The following GALNT13 variants were observed in gnomAD, a reference collection of about 807,000 sequenced individuals.
GALNT13 encodes UDP-GalNAc:polypeptide N-acetylgalactosaminyltransferase 13.
Under a neutral mutation model 64.2 loss-of-function variants are expected in GALNT13, and 28 were observed. The ratio of observed to expected loss-of-function variants is 0.44; its 90% CI spans 0.32 to 0.60. The LOEUF is 0.60. Among genes scored for constraint, GALNT13 ranks in the 20% least tolerant of loss-of-function variants. The pLI, the probability that GALNT13 is intolerant of heterozygous loss-of-function variation, is 0.05. For missense variants in GALNT13, 577 were observed against 669.8 expected, an observed-to-expected ratio of 0.86 and a Z score of 1.53; for synonymous variants, 214 against 224.6, an observed-to-expected ratio of 0.95 and a Z score of 0.42.
chr2:154,432,755 A>C (rs1700766088), intron 11 of GALNT13, among the ~76,000 whole-genome samples: 1 of 152,154 alleles, frequency 6.6e-6, no homozygotes, highest in African/African-American at 2.4e-5. Context: ...TAAGGACGCC[A>C]GTCCTTTTAG....
At chr2:153,799,209 T>C in the GALNT13 span, among the ~76,000 whole-genome samples, 2 of 152,296 alleles carry the variant, frequency 1.3e-5, no homozygotes, top group African/African-American at 4.8e-5. Flanking sequence ...TTTTTTTCTA[T>C]GGTTAGTGTT....
the GALNT13 span, among the ~76,000 whole-genome samples, chr2:153,819,334 T>C: frequency 0.015 from 2,266 of 152,254 alleles, 35 homozygotes; most frequent in Non-Finnish European, 0.021. Flanking sequence ...GGTCCAGAGA[T>C]ATGCTACAAT....
At chr2:154,264,316 A>G (rs1690861310) in intron 8 of GALNT13, among the ~76,000 whole-genome samples, 1 of 151,960 alleles carries the variant, frequency 6.6e-6, no homozygotes. Flanking sequence ...ACTACATAAC[A>G]TACTTCTTAA....
intron 6 of GALNT13, among the ~76,000 whole-genome samples, chr2:154,243,734 TACAATA>T (rs1342884785): frequency 6.6e-6 from 1 of 152,188 alleles, no homozygotes; most frequent in Non-Finnish European, 1.5e-5. Context: ...TGCCAACTGA[TACAATA>T]ACAAAACATT....
chr2:153,219,516 T>C, the GALNT13 span, among the ~76,000 whole-genome samples: 4 of 152,238 alleles, frequency 2.6e-5, no homozygotes, highest in Non-Finnish European at 5.9e-5. Context: ...TTGCCTCTTC[T>C]GCACTGCAGG....
the GALNT13 span, among the ~76,000 whole-genome samples, chr2:153,335,144 A>G: frequency 6.6e-6 from 1 of 152,184 alleles, no homozygotes; most frequent in Non-Finnish European, 1.5e-5. Flanking sequence ...GCCACATGGA[A>G]CTGTAAGTCC....
intron 3 of GALNT13, among the ~76,000 whole-genome samples, chr2:154,045,919 C>CTGTCTAGTAAGT (rs200267154): frequency 0.012 from 1,770 of 152,068 alleles, 20 homozygotes; most frequent in Non-Finnish European, 0.019. Context: ...TTTTCTTTCT[C>CTGTCTAGTAAGT]TGTCTAGTAA....
chr2:153,198,184 A>G, the GALNT13 span, among the ~76,000 whole-genome samples: 8 of 152,052 alleles, frequency 5.3e-5, no homozygotes, highest in African/African-American at 1.7e-4. Context: ...GGGCTTTCAA[A>G]TTGGTGCCGT....
chr2:153,437,618 A>G, the GALNT13 span, among the ~76,000 whole-genome samples: 4 of 152,110 alleles, frequency 2.6e-5, no homozygotes, highest in Non-Finnish European at 5.9e-5. Flanking sequence ...GCTGGTTTAA[A>G]GTCTGTTTTA....
chr2:153,891,370 T>C (rs1034539986), intron 1 of GALNT13, among the ~76,000 whole-genome samples: 5 of 152,036 alleles, frequency 3.3e-5, no homozygotes, highest in African/African-American at 9.7e-5. Flanking sequence ...ACTTTTTTTT[T>C]CTTCTCAAAT....
At chr2:153,222,332 T>TGGGGGGGGGGGGG in the GALNT13 span, among the ~76,000 whole-genome samples, 17 of 103,788 alleles carry the variant, frequency 1.6e-4, no homozygotes, top group Admixed American at 2.3e-4. Context: ...GGGGGTGGGG[T>TGGGGGGGGGGGGG]GGGGGGGGGG....
chr2:153,158,193 A>G, the GALNT13 span, among the ~76,000 whole-genome samples: 283 of 151,886 alleles, frequency 1.9e-3, 2 homozygotes, highest in African/African-American at 6.6e-3. Flanking sequence ...GTACAAGTCA[A>G]CTCCCCTTAA....
At chr2:153,752,386 T>G in the GALNT13 span, among the ~76,000 whole-genome samples, 1 of 152,126 alleles carries the variant, frequency 6.6e-6, no homozygotes, top group Non-Finnish European at 1.5e-5. Flanking sequence ...TCTTTATGAT[T>G]AAAGTAATCC....
chr2:153,731,406 T>C, the GALNT13 span, among the ~76,000 whole-genome samples: 2 of 151,834 alleles, frequency 1.3e-5, no homozygotes, highest in Admixed American at 1.3e-4. Context: ...TGTACACCAT[T>C]TGGATGATGA....
At chr2:154,005,698 T>C (rs1696200252) in intron 3 of GALNT13, among the ~76,000 whole-genome samples, 1 of 151,692 alleles carries the variant, frequency 6.6e-6, no homozygotes, top group Non-Finnish European at 1.5e-5. Flanking sequence ...AAAATGTTAC[T>C]TAAATACTTC....
chr2:153,329,789 C>G, the GALNT13 span, among the ~76,000 whole-genome samples: 21 of 152,164 alleles, frequency 1.4e-4, no homozygotes, highest in Non-Finnish European at 4.4e-5. Context: ...AATAAGGCCC[C>G]ATTTGTCAAT....
chr2:153,600,015 A>G, the GALNT13 span, among the ~76,000 whole-genome samples: 20 of 151,692 alleles, frequency 1.3e-4, no homozygotes, highest in African/African-American at 4.4e-4. Flanking sequence ...CCTCATCTTC[A>G]CTCTACTGCC....
At chr2:153,605,047 T>A in the GALNT13 span, among the ~76,000 whole-genome samples, 10 of 152,038 alleles carry the variant, frequency 6.6e-5, no homozygotes, top group Non-Finnish European at 1.2e-4. Context: ...CATCTGTCTA[T>A]CCAGTTCGAT....
chr2:153,261,461 A>G, the GALNT13 span, among the ~76,000 whole-genome samples: 1 of 152,174 alleles, frequency 6.6e-6, no homozygotes, highest in African/African-American at 2.4e-5. Flanking sequence ...ACCAAGGGTA[A>G]GATCCAGGAG....
Sources: gnomAD v4.1 joint callset for allele counts (sites outside exome capture counted in the v4.1 genomes callset) on GRCh38, gnomAD v4.1.1 for gene constraint, MANE v1.5 for transcripts, NCBI Gene and HGNC (gene_info 2026-07-23, HGNC 2026-07-21) for gene names.